Variants in ZBTB20 observed in about 807,000 individuals in gnomAD.
The protein encoded by ZBTB20 is zinc finger and BTB domain-containing protein 20.
ZBTB20 carries 9 observed loss-of-function variants against 56.9 expected under a neutral mutation model. That is an observed-to-expected ratio of 0.16 (90% CI 0.10 to 0.28). The LOEUF (loss-of-function observed/expected upper bound fraction) is 0.28. ZBTB20 is among the 10% of genes least tolerant of loss of function. ZBTB20 has a pLI of 1.00. For missense variants in ZBTB20, 655 were observed against 1,003.0 expected, an observed-to-expected ratio of 0.65 and a Z score of 4.69; for synonymous variants, 417 against 420.7, an observed-to-expected ratio of 0.99 and a Z score of 0.11.
At chr3:114,974,570 T>C (rs2078020886) in intron 2 of ZBTB20, among the ~76,000 whole-genome samples, 154 bp from the exon 3 acceptor site, 1 of 152,192 alleles carries the variant, frequency 6.6e-6, no homozygotes, top group Non-Finnish European at 1.5e-5. Flanking sequence ...TTCATATGTG[T>C]ACAAGTACTC....
At chr3:114,718,137 T>C (rs535386849) in intron 5 of ZBTB20, among the ~76,000 whole-genome samples, 1 of 152,114 alleles carries the variant, frequency 6.6e-6, no homozygotes, top group Non-Finnish European at 1.5e-5. Context: ...TCCACATACC[T>C]CATGGCAAAA....
At chr3:114,533,219 A>G (rs2048072323) in intron 6 of ZBTB20, among the ~76,000 whole-genome samples, 1 of 152,128 alleles carries the variant, frequency 6.6e-6, no homozygotes, top group Non-Finnish European at 1.5e-5. Flanking sequence ...GTTCTAACCC[A>G]ATGCAAGGGA....
Position 114,316,453 on chromosome 3 carries a change from T to G in ZBTB20, c.*22552A>C. The G allele has an allele frequency of 2.1e-6, 1 of 479,748 alleles. No homozygotes were observed. The highest frequency in any genetic ancestry group is 1.5e-5 in the South Asian group (1 of 65,008). The allele number at this position is 479,748 out of a possible 1,614,324, so 29.7% of individuals were successfully genotyped here. A position where few individuals can be genotyped will look rare whatever the true frequency, so the allele number is the denominator to read the frequency against. ...TTGTAATGAGCATCTGATTTTGTTA[T>G]GTGCATGTGTGTATATATGCACATA... On this transcript the variant is annotated 3_prime_UTR_variant, in exon 12 of 12. Transcript: ENST00000675478.
intron 5 of ZBTB20, among the ~76,000 whole-genome samples, chr3:114,729,956 A>ATT (rs1229757252): frequency 0.023 from 2,773 of 119,374 alleles, 143 homozygotes; most frequent in African/African-American, 0.077. Context: ...CATCCGGCTA[A>ATT]TTTTTTTTTT....
chr3:114,606,902 C>G (rs1357910585), intron 6 of ZBTB20, among the ~76,000 whole-genome samples: 1 of 151,932 alleles, frequency 6.6e-6, no homozygotes, highest in African/African-American at 2.4e-5. Context: ...TCGAGGCCAG[C>G]CTTGCTAACA....
At chr3:114,804,740 T>C (rs993388907) in intron 4 of ZBTB20, among the ~76,000 whole-genome samples, 1 of 151,892 alleles carries the variant, frequency 6.6e-6, no homozygotes, top group Non-Finnish European at 1.5e-5. Flanking sequence ...CCAATTATAC[T>C]TTCACCTACT....
At chr3:114,848,595 A>T (rs536061398) in intron 4 of ZBTB20, among the ~76,000 whole-genome samples, 2 of 152,260 alleles carry the variant, frequency 1.3e-5, no homozygotes, top group East Asian at 3.9e-4. Context: ...GTGTCTCTAC[A>T]TGTAGTTGTT....
intron 4 of ZBTB20, among the ~76,000 whole-genome samples, chr3:114,889,458 A>T (rs1331565297): frequency 2.6e-5 from 4 of 152,014 alleles, no homozygotes; most frequent in Non-Finnish European, 5.9e-5. Flanking sequence ...TTTTTCTCAG[A>T]CACTGGTCTC....
chr3:115,056,050 T>C (rs539922047), intron 2 of ZBTB20, among the ~76,000 whole-genome samples: 36 of 152,126 alleles, frequency 2.4e-4, no homozygotes, highest in South Asian at 2.1e-3. Flanking sequence ...AGGGTGAAAA[T>C]ATTTTATATA....
chr3:114,481,002 G>C (rs2041478535), intron 7 of ZBTB20, among the ~76,000 whole-genome samples: 1 of 152,078 alleles, frequency 6.6e-6, no homozygotes, highest in Non-Finnish European at 1.5e-5. Flanking sequence ...TAAATCAATA[G>C]TCTTATTTCT....
intron 7 of ZBTB20, among the ~76,000 whole-genome samples, chr3:114,485,950 A>C (rs1421520099): frequency 6.6e-6 from 1 of 152,106 alleles, no homozygotes; most frequent in Non-Finnish European, 1.5e-5. Context: ...GGACTAACAC[A>C]TTAGGTACAA....
At chr3:115,128,666 A>T (rs1164336755) in intron 1 of ZBTB20, among the ~76,000 whole-genome samples, 1 of 149,090 alleles carries the variant, frequency 6.7e-6, no homozygotes, top group Non-Finnish European at 1.5e-5. Context: ...TCTGACTCAA[A>T]AAAAAAAGAA....
intron 5 of ZBTB20, among the ~76,000 whole-genome samples, chr3:114,794,643 T>C (rs1344574582): frequency 6.6e-6 from 1 of 152,118 alleles, no homozygotes; most frequent in African/African-American, 2.4e-5. Context: ...TTCTCTATGG[T>C]TTAATTTCCA....
intron 4 of ZBTB20, among the ~76,000 whole-genome samples, chr3:114,834,108 C>G (rs1484003386): frequency 6.6e-6 from 1 of 152,078 alleles, no homozygotes; most frequent in Non-Finnish European, 1.5e-5. Flanking sequence ...ATACAAATAG[C>G]TACTGAAAAG....
intron 3 of ZBTB20, among the ~76,000 whole-genome samples, chr3:114,951,243 G>A (rs150961185): frequency 6.7e-6 from 1 of 150,214 alleles, no homozygotes; most frequent in Non-Finnish European, 1.5e-5. Flanking sequence ...CATTGCTTTT[G>A]TTTTTTTTTC....
At chr3:114,979,961 G>C (rs993519831) in intron 2 of ZBTB20, among the ~76,000 whole-genome samples, 2 of 151,952 alleles carry the variant, frequency 1.3e-5, no homozygotes, top group Non-Finnish European at 2.9e-5. Flanking sequence ...CCATGGAGCT[G>C]GAGCTCGAGA....
chr3:114,424,188 C>T (rs2089444515), intron 7 of ZBTB20, among the ~76,000 whole-genome samples: 1 of 152,130 alleles, frequency 6.6e-6, no homozygotes, highest in Non-Finnish European at 1.5e-5. Context: ...ATGTATTATT[C>T]AGCAACTTTG....
intron 3 of ZBTB20, among the ~76,000 whole-genome samples, chr3:114,962,989 T>C (rs1009667612): frequency 7.6e-4 from 115 of 152,110 alleles, no homozygotes; most frequent in Non-Finnish European, 3.5e-4. Context: ...CTAGTTTTTT[T>C]GTAGTAATTA....
In ZBTB20 at chr3:114,319,967, G is replaced by A. The variant is rs542468391; in HGVS notation, c.*19038C>T. ...AATCCAGTGGTATGAGGAAGGCTGGGGTTATTTCCTCCATACTTTCTTCCA... is the reference window on the plus strand; with the variant it reads ...AATCCAGTGGTATGAGGAAGGCTGGAGTTATTTCCTCCATACTTTCTTCCA... On this transcript the variant is annotated 3_prime_UTR_variant, in exon 12 of 12. Coordinates refer to ENST00000675478, the MANE Select transcript of ZBTB20 (RefSeq NM_001348800.3). The A allele has an allele frequency of 7.2e-5, 11 of 152,158 alleles. No individual in the cohort carries two copies. Among genetic ancestry groups the A allele is most frequent in the Non-Finnish European group, 1.2e-4 (8 of 68,004 alleles). 9.4% of individuals were successfully genotyped at this position (152,158 alleles called of 1,614,324 possible).
Sources: gnomAD v4.1 joint callset for allele counts (sites outside exome capture counted in the v4.1 genomes callset) on GRCh38, gnomAD v4.1.1 for gene constraint, MANE v1.5 for transcripts, NCBI Gene and HGNC (gene_info 2026-07-23, HGNC 2026-07-21) for gene names.